The following SERAC1 variants were observed in gnomAD, a reference collection of about 807,000 sequenced individuals.
SERAC1 encodes the protein serine active site containing 1, also known as protein SERAC1.
SERAC1 carries 36 observed loss-of-function variants against 85.7 expected under a neutral mutation model. That is an observed-to-expected ratio of 0.42 (90% confidence interval 0.32 to 0.55). SERAC1 has a LOEUF of 0.55. Among genes scored for constraint, SERAC1 ranks in the 20% least tolerant of loss-of-function variants. The probability of loss-of-function intolerance (pLI) is 0.11; values close to 1 mark genes in which losing one functional copy is unlikely to be tolerated. For missense variants in SERAC1, 629 were observed against 796.2 expected (o/e 0.79, Z 2.53); for synonymous variants, 242 against 265.3 (o/e 0.91, Z 0.85).
Position 158,149,471 on chromosome 6 carries a change from C to G in SERAC1, c.266-517G>C, listed in dbSNP as rs192649408. On this transcript the variant is annotated intron_variant, in intron 4 of 16. Coordinates refer to ENST00000647468, the MANE Select transcript of SERAC1 (RefSeq NM_032861.4). ...TCCAAAATAAGATTGCTCTCCAAGT[C>G]AGGGAAAAGTAAAAACAAAAACACT... 9.3e-3 allele frequency among the ~76,000 whole-genome samples: 1,419 copies of G among 152,268 alleles called. 7 individuals are homozygous for G. Among genetic ancestry groups the G allele is most frequent in the Middle Eastern group, 0.014 (4 of 294 alleles).
rs376922578 is a variant in SERAC1, at chr6:158,146,826, C to T, written c.443G>A (p.Arg148Gln). 13 of 1,613,946 alleles carry T rather than the reference C, an allele frequency of 8.1e-6. No homozygotes were observed. The highest frequency in any genetic ancestry group is 1.7e-5 in the Admixed American group (1 of 60,004). Residue 148 changes from arginine (R) to glutamine (Q), a missense_variant, in exon 6 of 17, where the codon CGA becomes CAA. Physicochemically the swap from Arg to Gln is conservative, Grantham distance 43. Transcript: ENST00000647468. ...CGACATTTCCCGCACAGCCTCGAGT[C>T]GCGTGGTTTTGTCATCTGACTTGCT... is the stretch of plus-strand genomic sequence containing the variant. ...RKSKSDDKTTRLEAVREMSET... is the reference protein window; with the variant it reads ...RKSKSDDKTTQLEAVREMSET...
intron 1 of SERAC1, among the ~76,000 whole-genome samples, chr6:158,163,439 T>C (rs1296287214): frequency 6.6e-6 from 1 of 152,204 alleles, no homozygotes; most frequent in Non-Finnish European, 1.5e-5. Flanking sequence ...GGCTCATGCC[T>C]ATAATCCCAG....
rs1443324681 is a variant in SERAC1 at position 158,117,805 on chromosome 6, T to A, written c.1325A>T (p.Asp442Val). ...AGATATAATTCGGAGAGCAGGACAG[T>A]CTTTTGCTAACCATGTCTAAGTAAA... ...TCWPKTWLAKDCPALRIISVE... is the reference protein window; with the variant it reads ...TCWPKTWLAKVCPALRIISVE... Residue 442 changes from aspartate to valine, a missense_variant, in exon 13 of 17, where the codon GAC becomes GTC. Physicochemically the swap from Asp to Val is radical, Grantham distance 152 (BLOSUM62 -3). Coordinates refer to ENST00000647468, the MANE Select transcript of SERAC1 (RefSeq NM_032861.4). This position sits in a 1 kb window ranked among gnomAD's most constrained non-coding sequence, Gnocchi z 4.3. 1.2e-6 allele frequency: 2 copies of A among 1,613,880 alleles called. No individual in the cohort carries two copies. Among genetic ancestry groups the A allele is most frequent in the Admixed American group, 3.3e-5 (2 of 59,998 alleles).
At chr6:158,157,043 C>A (rs903511050) in intron 2 of SERAC1, among the ~76,000 whole-genome samples, 2 of 149,300 alleles carry the variant, frequency 1.3e-5, no homozygotes, top group South Asian at 4.2e-4. Flanking sequence ...GTTGCCCAGG[C>A]TGGAGTGCAA....
In SERAC1 at chr6:158,117,555, C is replaced by A; in HGVS notation, c.1403+172G>T. 4.5e-6 allele frequency: 7 copies of A among 1,550,938 alleles called. No individual in the cohort carries two copies. Among genetic ancestry groups the A allele is most frequent in the Non-Finnish European group, 6.1e-6 (7 of 1,146,972 alleles). ...ACCTAAGCCTTCTACTATTCCACTG[C>A]TTATTGACAGCAAACTCCTTCTAGA... On this transcript the variant is annotated intron_variant, in intron 13 of 16. Transcript: ENST00000647468. This position sits in a 1 kb window ranked among gnomAD's most constrained non-coding sequence, Gnocchi z 4.3.
At chr6:158,128,477 A>G (rs866185525) in intron 9 of SERAC1, among the ~76,000 whole-genome samples, 1 of 152,210 alleles carries the variant, frequency 6.6e-6, no homozygotes, top group African/African-American at 2.4e-5. Flanking sequence ...AAAAATCCCA[A>G]GAAGGCATCT....
rs1784096946 is a variant in SERAC1 at position 158,109,641 on chromosome 6, T to G, written c.*1725A>C. 1 of 152,216 alleles carries G rather than the reference T, an allele frequency of 6.6e-6. No individual in the cohort carries two copies. The highest frequency in any genetic ancestry group is 2.4e-5 in the African/African-American group (1 of 41,452). The allele number at this position is 152,216 out of a possible 1,614,324, so 9.4% of individuals were successfully genotyped here. On this transcript the variant is annotated 3_prime_UTR_variant, in exon 17 of 17. Coordinates refer to ENST00000647468, the MANE Select transcript of SERAC1 (RefSeq NM_032861.4). The stretch of plus-strand genomic sequence containing the variant: ...AAAATTTAAACATAGACTTACCATT[T>G]GACCAGCAATTCCACCCAAGAGAAT...
intron 9 of SERAC1, among the ~76,000 whole-genome samples, chr6:158,129,168 C>A (rs1412767671): frequency 6.6e-6 from 1 of 152,214 alleles, no homozygotes; most frequent in African/African-American, 2.4e-5. Flanking sequence ...ACTGAAGATG[C>A]AGCTATTGCT....
chr6:158,135,966 C>T (rs1310747447), intron 8 of SERAC1, among the ~76,000 whole-genome samples: 5 of 152,028 alleles, frequency 3.3e-5, no homozygotes, highest in South Asian at 2.1e-4. Flanking sequence ...CCTGCCACCA[C>T]GCCTGGCTAA....
At chr6:158,151,791 A>G (rs1241664102) in intron 3 of SERAC1, among the ~76,000 whole-genome samples, 3 of 152,188 alleles carry the variant, frequency 2.0e-5, no homozygotes, top group Admixed American at 6.5e-5. Flanking sequence ...ATATTTTTGT[A>G]TAGCTATACA....
intron 8 of SERAC1, among the ~76,000 whole-genome samples, chr6:158,138,011 G>A (rs999928680): frequency 2.0e-4 from 30 of 152,286 alleles, no homozygotes; most frequent in African/African-American, 3.4e-4. Context: ...TCTCCAAGGC[G>A]GTGAATGTTA....
intron 10 of SERAC1, among the ~76,000 whole-genome samples, chr6:158,124,287 A>G (rs892648907): frequency 5.3e-5 from 8 of 152,220 alleles, no homozygotes; most frequent in African/African-American, 1.9e-4. Flanking sequence ...AAATTTAAAC[A>G]TAATGAATAG....
rs556254929 is a variant in SERAC1, at chr6:158,136,908, C to T, written c.738+6148G>A. ...GGTGCAGTGGCTCATGCCTGTAATC[C>T]CAGCACTTTGGGAGGCCAAGGCAGG... is the stretch of plus-strand genomic sequence containing the variant. On this transcript the variant is annotated intron_variant, in intron 8 of 16. Transcript: ENST00000647468. 7.7e-4 allele frequency among the ~76,000 whole-genome samples: 117 copies of T among 152,134 alleles called. 1 individual carries two copies. Among genetic ancestry groups the T allele is most frequent in the Non-Finnish European group, 1.3e-3 (86 of 68,024 alleles).
intron 8 of SERAC1, among the ~76,000 whole-genome samples, chr6:158,131,355 T>C (rs1024050011): frequency 2.0e-5 from 3 of 147,394 alleles, no homozygotes; most frequent in Non-Finnish European, 4.5e-5. Flanking sequence ...TATATACTAA[T>C]ATACTATATA....
At position 158,152,084 on chromosome 6, in the gene SERAC1, A is replaced by G. The variant is rs551986964; in HGVS notation, c.129-1495T>C. Among the ~76,000 whole-genome samples, 8 of 152,300 alleles carry G rather than the reference A, an allele frequency of 5.3e-5. No individual in the cohort carries two copies. The East Asian group carries it at 1.5e-3, about 29-fold the overall frequency. Reference sequence around the variant, plus strand: ...TTATTGAAGAAAAAAATATTGTTTTATAAATATAGTGTAGCTGGGTGCAGT... The same window carrying G: ...TTATTGAAGAAAAAAATATTGTTTTGTAAATATAGTGTAGCTGGGTGCAGT... On this transcript the variant is annotated intron_variant, in intron 3 of 16. Transcript: ENST00000647468.
At chr6:158,122,668 G>A (rs1000286633) in intron 10 of SERAC1, among the ~76,000 whole-genome samples, 1 of 151,916 alleles carries the variant, frequency 6.6e-6, no homozygotes, top group South Asian at 2.1e-4. Context: ...TAATCCCAGC[G>A]ACTCAGAAGG....
chr6:158,110,990 T>C lies in SERAC1; in HGVS notation c.*376A>G, dbSNP rs1235221021. ...AGGTACTCTCTTAATGGCATTTTTA[T>C]GGTAAGTTGAGTTACCTCAGAACCT... On this transcript the variant is annotated 3_prime_UTR_variant, in exon 17 of 17. Coordinates refer to ENST00000647468, the MANE Select transcript of SERAC1 (RefSeq NM_032861.4). The C allele has an allele frequency of 6.3e-6, 1 of 157,760 alleles. No homozygotes were observed. Among genetic ancestry groups the C allele is most frequent in the Non-Finnish European group, 1.4e-5 (1 of 71,832 alleles). The allele number at this position is 157,760 out of a possible 1,614,324, so 9.8% of individuals were successfully genotyped here. A position where few individuals can be genotyped will look rare whatever the true frequency, so the allele number is the denominator to read the frequency against.
At chr6:158,125,814 G>T (rs1784526651) in intron 10 of SERAC1, among the ~76,000 whole-genome samples, 1 of 152,128 alleles carries the variant, frequency 6.6e-6, no homozygotes, top group Non-Finnish European at 1.5e-5. Context: ...GGGTTGTAAG[G>T]ATCTTACATC....
rs1268137133 is a variant in SERAC1 at position 158,143,337 on chromosome 6, CTCTCTCTCTCTATATATATATATATA to C, written c.610-179_610-154del. On this transcript the variant is annotated intron_variant, in intron 7 of 16. Coordinates refer to ENST00000647468, the MANE Select transcript of SERAC1 (RefSeq NM_032861.4). ...TCTCTCTCTCTCTCTCTCTCTCTCT[CTCTCTCTCTCTATATATATATATATA>C]TATATATATATACACACACACATAT... 8.2e-4 allele frequency among the ~76,000 whole-genome samples: 25 copies of C among 30,614 alleles called. 1 individual carries two copies. Among genetic ancestry groups the C allele is most frequent in the African/African-American group, 2.1e-3 (20 of 9,396 alleles). 20.1% of individuals were successfully genotyped at this position (30,614 alleles called of 152,430 possible).
Sources: gnomAD v4.1 joint callset for allele counts (sites outside exome capture counted in the v4.1 genomes callset) on GRCh38, gnomAD v4.1.1 for gene constraint, Gnocchi (gnomAD v3.1) non-coding constraint, MANE v1.5 for transcripts, NCBI Gene and HGNC (gene_info 2026-07-23, HGNC 2026-07-21) for gene names.